Variants in SHANK2 observed in about 807,000 individuals in gnomAD.
SHANK2 encodes SH3 and multiple ankyrin repeat domains 2, also known as SH3 and multiple ankyrin repeat domains protein 2.
In SHANK2, 43 loss-of-function variants were observed where a neutral mutation model predicts 133.7. That is an observed-to-expected ratio of 0.32 (90% CI 0.25 to 0.41). SHANK2 has a LOEUF of 0.41. SHANK2 is among the 10% of genes least tolerant of loss of function. SHANK2 has a pLI of 1.00. For missense variants in SHANK2, 1,994 were observed against 2,235.8 expected, an observed-to-expected ratio of 0.89 and a Z score of 2.18; for synonymous variants, 1,017 against 952.8, an observed-to-expected ratio of 1.07 and a Z score of -1.24.
chr11:70,693,317 T>C (rs1281595495), intron 15 of SHANK2, among the ~76,000 whole-genome samples: 1 of 152,140 alleles, frequency 6.6e-6, no homozygotes, highest in African/African-American at 2.4e-5. Context: ...AAGCACGAGG[T>C]CTTTCTCTGA....
chr11:70,711,481 T>A (rs1409025933), intron 14 of SHANK2, among the ~76,000 whole-genome samples: 1 of 152,246 alleles, frequency 6.6e-6, no homozygotes, highest in African/African-American at 2.4e-5. Context: ...CTTTTCTTTT[T>A]TAAAACCAAA....
At chr11:71,101,475 T>C (rs115374811) in intron 6 of SHANK2, among the ~76,000 whole-genome samples, 425 of 152,340 alleles carry the variant, frequency 2.8e-3, no homozygotes, top group African/African-American at 1.0e-2. Flanking sequence ...AAGGCACTGG[T>C]AGCAAAGGGA....
chr11:70,683,261 C>T (rs1043865937), intron 15 of SHANK2, among the ~76,000 whole-genome samples: 1 of 152,282 alleles, frequency 6.6e-6, no homozygotes, highest in Non-Finnish European at 1.5e-5. Flanking sequence ...TCCACCGTGC[C>T]TGGCCACTTC....
intron 15 of SHANK2, among the ~76,000 whole-genome samples, chr11:70,679,125 C>T (rs1202401647): frequency 5.9e-5 from 9 of 152,202 alleles, no homozygotes; most frequent in Admixed American, 2.6e-4. Flanking sequence ...CACGGCTGAC[C>T]GCAACGCTGG....
At chr11:70,742,186 C>G (rs528112400) in intron 14 of SHANK2, among the ~76,000 whole-genome samples, 16 of 152,294 alleles carry the variant, frequency 1.1e-4, no homozygotes, top group African/African-American at 3.6e-4. Context: ...GCCTCATGGG[C>G]CAGGGAAGCA....
In SHANK2 at chr11:70,892,955, G is replaced by A. The variant is rs115302149; in HGVS notation, c.1174+3546C>T. ...TACAGCTGGTGCCCTGCCCTTCCCT[G>A]ACTTCCTTCCCTAAGTCCCTGCTGG... On this transcript the variant is annotated intron_variant, in intron 11 of 25. Coordinates refer to ENST00000601538, the MANE Select transcript of SHANK2 (RefSeq NM_012309.5). Among the ~76,000 whole-genome samples the A allele has an allele frequency of 2.2e-3, 340 of 152,258 alleles. 1 individual carries two copies. The highest frequency in any genetic ancestry group is 8.0e-3 in the African/African-American group (334 of 41,546).
chr11:71,249,180 A>G (rs1228600915), intron 1 of SHANK2, among the ~76,000 whole-genome samples: 1 of 152,078 alleles, frequency 6.6e-6, no homozygotes, highest in Non-Finnish European at 1.5e-5. Context: ...TCAACAAGTG[A>G]TTCATTCTCC....
chr11:71,171,473 G>T (rs1555112176), intron 2 of SHANK2, among the ~76,000 whole-genome samples: 1 of 152,186 alleles, frequency 6.6e-6, no homozygotes, highest in East Asian at 1.9e-4. Flanking sequence ...TTGAAAATTG[G>T]TGACATCTTT....
chr11:70,628,395 G>C (rs1395105180), intron 17 of SHANK2, among the ~76,000 whole-genome samples: 1 of 152,166 alleles, frequency 6.6e-6, no homozygotes, highest in African/African-American at 2.4e-5. Flanking sequence ...GGAGAGGGCA[G>C]TAAACACATG....
At chr11:70,876,239 T>C (rs112039787) in intron 11 of SHANK2, among the ~76,000 whole-genome samples, 16 of 6,392 alleles carry the variant, frequency 2.5e-3, no homozygotes, top group South Asian at 0.026. Flanking sequence ...CACACACACA[T>C]ATAGACACAC....
rs536469118 is a variant in SHANK2, at chr11:71,147,192, G to A, written c.135C>T (p.Gly45=). 1.1e-4 allele frequency: 176 copies of A among 1,550,708 alleles called. No individual in the cohort carries two copies. The East Asian group carries it at 2.6e-3, about 23-fold the overall frequency. ...DTIRATAEKP[G]GARTEESQGN... is the part of the protein sequence containing the mutation. ...CCTGGCTCTCCTCCGTCCTGGCACC[G>A]CCCGGCTTCTCCGCAGTGGCCCGGA... is the stretch of plus-strand genomic sequence containing the variant. Residue 45 remains glycine, a synonymous_variant, in exon 3 of 26, where the codon GGC becomes GGT. Coordinates refer to ENST00000601538, the MANE Select transcript of SHANK2 (RefSeq NM_012309.5).
intron 8 of SHANK2, among the ~76,000 whole-genome samples, chr11:71,091,419 C>T (rs1389337084): frequency 1.3e-5 from 2 of 152,202 alleles, no homozygotes; most frequent in Non-Finnish European, 2.9e-5. Context: ...ACCTCCCTTA[C>T]AGGTGTGTAA....
At chr11:71,224,460 C>T (rs1180027312) in intron 2 of SHANK2, among the ~76,000 whole-genome samples, 4 of 152,328 alleles carry the variant, frequency 2.6e-5, no homozygotes, top group East Asian at 3.9e-4. Context: ...GCTCAGAGCA[C>T]GGTCCAGTAG....
chr11:71,068,053 C>CA (rs1951091137), intron 9 of SHANK2, among the ~76,000 whole-genome samples: 4 of 151,904 alleles, frequency 2.6e-5, no homozygotes. Context: ...TCACAACCAT[C>CA]ATCACCATCA....
intron 2 of SHANK2, among the ~76,000 whole-genome samples, chr11:71,206,943 A>C (rs1254525356): frequency 1.3e-5 from 2 of 152,004 alleles, no homozygotes; most frequent in African/African-American, 4.8e-5. Context: ...AAGATTAGCC[A>C]GGCATGGTTG....
chr11:70,541,569 G>T (rs1172134388), intron 17 of SHANK2, among the ~76,000 whole-genome samples: 1 of 152,250 alleles, frequency 6.6e-6, no homozygotes, highest in Non-Finnish European at 1.5e-5. Context: ...GGTGAGGCCA[G>T]CAGGCACTGA....
intron 11 of SHANK2, chr11:70,872,936 C>A: frequency 2.2e-6 from 1 of 462,314 alleles, no homozygotes; most frequent in Non-Finnish European, 4.5e-6. Flanking sequence ...CACTGTCTGC[C>A]CTCTCCCCAC....
intron 2 of SHANK2, among the ~76,000 whole-genome samples, chr11:71,190,767 G>C (rs375817107): frequency 6.6e-6 from 1 of 152,188 alleles, no homozygotes; most frequent in East Asian, 1.9e-4. Flanking sequence ...CCAATCCCAC[G>C]GCTCCACCCT....
At chr11:70,546,227 C>G (rs782150837) in intron 17 of SHANK2, among the ~76,000 whole-genome samples, 3 of 151,696 alleles carry the variant, frequency 2.0e-5, no homozygotes, top group Non-Finnish European at 4.4e-5. Context: ...GTGTGAACCA[C>G]TGCGCCCAGA....
Sources: allele counts gnomAD v4.1 joint callset (sites outside exome capture counted in the v4.1 genomes callset), GRCh38; gene constraint gnomAD v4.1.1; transcripts MANE v1.5; gene names NCBI Gene and HGNC (gene_info 2026-07-23, HGNC 2026-07-21).